COQ10B: variants seen among roughly 807,000 people sequenced by gnomAD.
COQ10B encodes the protein coenzyme Q10B, also known as coenzyme Q-binding protein COQ10 homolog B, mitochondrial.
In COQ10B, 12 loss-of-function variants were observed where a neutral mutation model predicts 27.6. The observed-to-expected ratio is 0.43, with a 90% CI of 0.28 to 0.70. The LOEUF (loss-of-function observed/expected upper bound fraction) is 0.70, where lower values mean the gene tolerates loss of function less well. Among genes scored for constraint, COQ10B ranks in the 30% least tolerant of loss-of-function variants. The pLI, the probability that COQ10B is intolerant of heterozygous loss-of-function variation, is 0.17. For synonymous variants in COQ10B, 115 were observed against 103.0 expected, an observed-to-expected ratio of 1.12 and a Z score of -0.71; for missense variants, 278 against 288.7, an observed-to-expected ratio of 0.96 and a Z score of 0.27.
At chr2:197,458,774 G>A (rs961455507) in intron 1 of COQ10B, among the ~76,000 whole-genome samples, 2 of 150,352 alleles carry the variant, frequency 1.3e-5, no homozygotes, top group Admixed American at 6.7e-5. Context: ...TCCGCCTCCC[G>A]GGTTCAAGTG....
chr2:197,454,697 A>C (rs1039247615), intron 1 of COQ10B, among the ~76,000 whole-genome samples: 1 of 152,140 alleles, frequency 6.6e-6, no homozygotes, highest in African/African-American at 2.4e-5. Context: ...TGTCTTGCAA[A>C]TAACACTTAC....
At chr2:197,466,984 T>C (rs1042751937) in intron 3 of COQ10B, among the ~76,000 whole-genome samples, 9 of 151,914 alleles carry the variant, frequency 5.9e-5, no homozygotes, top group African/African-American at 2.2e-4. Context: ...TCACTCTTGT[T>C]GCCCAGGCTG....
intron 1 of COQ10B, among the ~76,000 whole-genome samples, chr2:197,458,026 C>T (rs1417409715): frequency 6.6e-6 from 1 of 152,018 alleles, no homozygotes; most frequent in African/African-American, 2.4e-5. Flanking sequence ...TTATAAACAG[C>T]TCTAAAGTTC....
At position 197,474,122 on chromosome 2, in the gene COQ10B, T is replaced by A; in HGVS notation, c.*198T>A. The A allele has an allele frequency of 2.7e-6, 1 of 373,814 alleles. No individual in the cohort carries two copies. Among genetic ancestry groups the A allele is most frequent in the Non-Finnish European group, 4.7e-6 (1 of 211,678 alleles). 23.2% of individuals were successfully genotyped at this position (373,814 alleles called of 1,614,324 possible). ...TTATTTCTTCAAGTATAATTCAAAA[T>A]AATATGGACATTATCATGTTCTGCA... On this transcript the variant is annotated 3_prime_UTR_variant, in exon 5 of 5. Coordinates refer to ENST00000263960, the MANE Select transcript of COQ10B (RefSeq NM_025147.5).
At chr2:197,456,288 A>T (rs770786802) in intron 1 of COQ10B, among the ~76,000 whole-genome samples, 8 of 149,122 alleles carry the variant, frequency 5.4e-5, no homozygotes, top group Non-Finnish European at 1.0e-4. Context: ...ACATGGTGAA[A>T]CCCCCATCTC....
chr2:197,470,392 A>G (rs1295816175), intron 4 of COQ10B, among the ~76,000 whole-genome samples: 1 of 152,216 alleles, frequency 6.6e-6, no homozygotes, highest in Non-Finnish European at 1.5e-5. Flanking sequence ...TGACTTTACA[A>G]CCAGCTTAAT....
rs1459154214 is a variant in COQ10B, at chr2:197,470,176, G to C, written c.549+5G>C. 6.4e-7 allele frequency: 1 copy of C among 1,558,338 alleles called. No individual in the cohort carries two copies. Among genetic ancestry groups the C allele is most frequent in the African/African-American group, 1.4e-5 (1 of 73,798 alleles). ...ACTTGTACCTTGGATTTTTCAGTAA[G>C]TCTCATAAAGCCCTTGATTTGTTCC... On this transcript the variant is annotated splice_donor_5th_base_variant and intron_variant, in intron 4 of 4. Coordinates refer to ENST00000263960, the MANE Select transcript of COQ10B (RefSeq NM_025147.5).
At chr2:197,471,473 A>G (rs555692661) in intron 4 of COQ10B, among the ~76,000 whole-genome samples, 18 of 152,300 alleles carry the variant, frequency 1.2e-4, no homozygotes, top group Non-Finnish European at 1.9e-4. Context: ...AATCGTAGTT[A>G]TAGAAAACTT....
chr2:197,466,788 T>C (rs1440665610), intron 3 of COQ10B, among the ~76,000 whole-genome samples: 4 of 152,164 alleles, frequency 2.6e-5, no homozygotes, highest in Non-Finnish European at 4.4e-5. Flanking sequence ...CTTGCATGTG[T>C]CTGACTCCAA....
intron 4 of COQ10B, among the ~76,000 whole-genome samples, chr2:197,471,015 A>C (rs1404191170): frequency 6.6e-6 from 1 of 152,226 alleles, no homozygotes; most frequent in Non-Finnish European, 1.5e-5. Context: ...GCAGTGAACT[A>C]TGATCACATC....
intron 3 of COQ10B, among the ~76,000 whole-genome samples, chr2:197,466,319 C>T (rs2085824615): frequency 6.6e-6 from 1 of 152,166 alleles, no homozygotes; most frequent in Non-Finnish European, 1.5e-5. Context: ...ATGCACTTAC[C>T]TTCTTGATAT....
At chr2:197,466,942 C>G (rs1465065502) in intron 3 of COQ10B, among the ~76,000 whole-genome samples, 3 of 150,408 alleles carry the variant, frequency 2.0e-5, no homozygotes, top group African/African-American at 7.4e-5. Flanking sequence ...GGTTCAGTTT[C>G]CAGATTTTTT....
intron 1 of COQ10B, among the ~76,000 whole-genome samples, chr2:197,458,967 A>C (rs1054611584): frequency 1.2e-4 from 18 of 152,204 alleles, no homozygotes; most frequent in African/African-American, 4.3e-4. Flanking sequence ...GGCATGAGCC[A>C]CCTCACCCAG....
intron 1 of COQ10B, among the ~76,000 whole-genome samples, chr2:197,458,488 A>G (rs914457310): frequency 1.3e-5 from 2 of 152,136 alleles, no homozygotes; most frequent in African/African-American, 4.8e-5. Flanking sequence ...ATCTTCAACT[A>G]GAATATAATC....
At chr2:197,458,682 C>CT (rs138890869) in intron 1 of COQ10B, among the ~76,000 whole-genome samples, 1,893 of 139,844 alleles carry the variant, frequency 0.014, 17 homozygotes, top group Non-Finnish European at 0.02. Context: ...TTTCTTTTCT[C>CT]TTTTTTTTTT....
At chr2:197,463,992 T>TACACAC (rs1217491415) in intron 3 of COQ10B, among the ~76,000 whole-genome samples, 9 of 65,820 alleles carry the variant, frequency 1.4e-4, no homozygotes, top group Non-Finnish European at 2.2e-4. Context: ...TATATATATA[T>TACACAC]ATATACACAC....
At chr2:197,457,092 C>T (rs907627613) in intron 1 of COQ10B, among the ~76,000 whole-genome samples, 5 of 152,124 alleles carry the variant, frequency 3.3e-5, no homozygotes, top group Non-Finnish European at 4.4e-5. Context: ...CTAGATTCCT[C>T]GCATGTGCAG....
intron 1 of COQ10B, among the ~76,000 whole-genome samples, chr2:197,455,066 T>A (rs2085681713): frequency 6.6e-6 from 1 of 152,096 alleles, no homozygotes; most frequent in African/African-American, 2.4e-5. Context: ...GTCCTGTTAG[T>A]TTGCTTTAAA....
chr2:197,462,268 CAAAA>C (rs59048976), intron 2 of COQ10B, among the ~76,000 whole-genome samples: 2 of 87,164 alleles, frequency 2.3e-5, no homozygotes, highest in Non-Finnish European at 4.9e-5. Context: ...GACTCCATCT[CAAAA>C]AAAAAAAAAA....
Sources: allele counts gnomAD v4.1 joint callset (sites outside exome capture counted in the v4.1 genomes callset), GRCh38; gene constraint gnomAD v4.1.1; transcripts MANE v1.5; gene names NCBI Gene and HGNC (gene_info 2026-07-23, HGNC 2026-07-21).